Variants in RASSF5 observed in about 807,000 individuals in gnomAD.
RASSF5 encodes ras association domain-containing protein 5.
A neutral mutation model predicts 40.5 loss-of-function variants in RASSF5; 25 were observed. The observed-to-expected ratio is 0.62, with a 90% CI of 0.45 to 0.86. The LOEUF is 0.86. Among genes scored for constraint, RASSF5 ranks in the 40% least tolerant of loss-of-function variants. The pLI is 0.00. For missense variants in RASSF5, 521 were observed against 572.8 expected (o/e 0.91, Z 0.92); for synonymous variants, 246 against 252.4 (o/e 0.97, Z 0.24).
chr1:206,575,602 A>G (rs1668611665), intron 2 of RASSF5, among the ~76,000 whole-genome samples: 1 of 152,144 alleles, frequency 6.6e-6, no homozygotes, highest in African/African-American at 2.4e-5. Context: ...CTAGCCTCCA[A>G]GAGGCCCCCA....
At chr1:206,508,178 C>G (rs372638894) in intron 1 of RASSF5, 119 bp downstream of exon 1, 18 of 767,388 alleles carry the variant, frequency 2.3e-5, no homozygotes, top group East Asian at 6.8e-5. Context: ...AGGGGAGCCC[C>G]GAACATAAGG....
chr1:206,566,505 T>TC (rs34958764), intron 2 of RASSF5, among the ~76,000 whole-genome samples: 2 of 152,048 alleles, frequency 1.3e-5, no homozygotes, highest in Non-Finnish European at 2.9e-5. Context: ...GGTGAACTGT[T>TC]CCCCCCACTT....
chr1:206,516,788 C>T (rs529017656), intron 1 of RASSF5, among the ~76,000 whole-genome samples: 2 of 152,294 alleles, frequency 1.3e-5, no homozygotes, highest in Admixed American at 6.5e-5. Context: ...CCCCAGCAGC[C>T]CTGTGTTCTC....
chr1:206,520,427 C>T (rs1031850466), intron 1 of RASSF5, among the ~76,000 whole-genome samples: 2 of 151,934 alleles, frequency 1.3e-5, no homozygotes, highest in Non-Finnish European at 2.9e-5. Context: ...GCTAACATGG[C>T]GAAACCCCGT....
chr1:206,585,072 C>T, intron 4 of RASSF5, 108 bp from the exon 5 acceptor site: 1 of 762,934 alleles, frequency 1.3e-6, no homozygotes, highest in Non-Finnish European at 2.2e-6. Flanking sequence ...CCCGTGTCTA[C>T]TTCCAGTTGT....
chr1:206,508,821 C>T (rs547704869), intron 1 of RASSF5, among the ~76,000 whole-genome samples: 4 of 152,078 alleles, frequency 2.6e-5, no homozygotes, highest in Non-Finnish European at 4.4e-5. Context: ...GCCCTCAGGC[C>T]CCTCCAGTCA....
In RASSF5 at chr1:206,560,803, C is replaced by A. The variant is rs1354248807; in HGVS notation, c.580-22466C>A. On this transcript the variant is annotated intron_variant, in intron 2 of 5. Transcript: ENST00000579436. The surrounding 1 kb of genome is among the most constrained non-coding windows in gnomAD (Gnocchi z 5.1). ...GGTTTTGATGGACCCAAGGTTAGAACTTCCCTCTTTTGCCTCCCAGGCCAG... is the reference window on the plus strand; with the variant it reads ...GGTTTTGATGGACCCAAGGTTAGAAATTCCCTCTTTTGCCTCCCAGGCCAG... Among the ~76,000 whole-genome samples, 2 of 152,202 alleles carry A rather than the reference C, an allele frequency of 1.3e-5. No homozygotes were observed. Among genetic ancestry groups the A allele is most frequent in the African/African-American group, 4.8e-5 (2 of 41,454 alleles).
At chr1:206,585,340 G>A (rs1669069523) in intron 5 of RASSF5, 45 bp downstream of exon 5, 2 of 1,443,662 alleles carry the variant, frequency 1.4e-6, no homozygotes, top group Non-Finnish European at 9.8e-7. Flanking sequence ...AGGGCACCCT[G>A]GGTGGGTGCA....
chr1:206,574,237 G>A (rs1668553749), intron 2 of RASSF5, among the ~76,000 whole-genome samples: 1 of 152,240 alleles, frequency 6.6e-6, no homozygotes, highest in Non-Finnish European at 1.5e-5. Context: ...GTCTGCGGGA[G>A]TGGCCTGATC....
rs781824025 is a variant in RASSF5 at position 206,507,713 on chromosome 1, C to A, written c.111C>A (p.Pro37=). The A allele has an allele frequency of 5.4e-6, 8 of 1,487,662 alleles. 1 individual carries two copies. The South Asian group carries it at 6.3e-5, about 12-fold the overall frequency. 92.2% of individuals were successfully genotyped at this position (1,487,662 alleles called of 1,614,324 possible). The part of the protein sequence containing the change: ...SLSGPELPPP[P]PDRSSRLCVP... ...GCGGCCCCGAGCTACCGCCGCCGCC[C>A]CCCGACCGGTCCTCGCGCCTCTGTG... is the stretch of plus-strand genomic sequence containing the variant. The change falls in exon 1 of 6, where the codon CCC becomes CCA. Residue 37 remains proline, a synonymous_variant. Coordinates refer to ENST00000579436, the MANE Select transcript of RASSF5 (RefSeq NM_182663.4).
At chr1:206,510,038 G>C (rs1553394420) in intron 1 of RASSF5, among the ~76,000 whole-genome samples, 1 of 152,172 alleles carries the variant, frequency 6.6e-6, no homozygotes, top group African/African-American at 2.4e-5. Context: ...CTACAGAAAG[G>C]AGTCTCTGTT....
chr1:206,545,953 ATTTTTTTTT>A (rs369989700), intron 2 of RASSF5, among the ~76,000 whole-genome samples: 1 of 125,124 alleles, frequency 8.0e-6, no homozygotes. Flanking sequence ...ATATAGCTAG[ATTTTTTTTT>A]TTTTTTTTGA....
intron 2 of RASSF5, among the ~76,000 whole-genome samples, chr1:206,548,617 G>T (rs1358687763): frequency 6.6e-6 from 1 of 152,122 alleles, no homozygotes; most frequent in African/African-American, 2.4e-5. Flanking sequence ...TTGAGCAATT[G>T]GTTACAATGT....
intron 2 of RASSF5, among the ~76,000 whole-genome samples, chr1:206,549,927 C>T (rs188520087): frequency 2.0e-5 from 3 of 152,264 alleles, no homozygotes; most frequent in Admixed American, 1.3e-4. Context: ...ATGCACACAC[C>T]GATCAGTAAG....
intron 1 of RASSF5, among the ~76,000 whole-genome samples, chr1:206,533,046 G>T (rs1667282399): frequency 6.6e-6 from 1 of 152,192 alleles, no homozygotes; most frequent in Admixed American, 6.5e-5. Context: ...TTAAGGGGAG[G>T]TTTGTAGCTT....
intron 2 of RASSF5, among the ~76,000 whole-genome samples, chr1:206,565,542 G>C (rs572679177): frequency 1.3e-5 from 2 of 152,298 alleles, no homozygotes; most frequent in South Asian, 4.1e-4. Context: ...GATGAGATGG[G>C]GTTTCTGTAC....
chr1:206,511,653 C>T (rs1666615307), intron 1 of RASSF5, among the ~76,000 whole-genome samples: 1 of 152,164 alleles, frequency 6.6e-6, no homozygotes, highest in Admixed American at 6.5e-5. Context: ...CAACTAACCT[C>T]CCCACTCTGT....
rs1400732096 is a variant in RASSF5 at position 206,560,231 on chromosome 1, G to T, written c.579+21938G>T. Among the ~76,000 whole-genome samples the T allele has an allele frequency of 6.6e-6, 1 of 152,228 alleles. No homozygotes were observed. Among genetic ancestry groups the T allele is most frequent in the African/African-American group, 2.4e-5 (1 of 41,460 alleles). ...ATAGCCTTGTCAGAACAACCTGTGT[G>T]GCTGCTCAGTTTGTGCCTGGCTAGA... On this transcript the variant is annotated intron_variant, in intron 2 of 5. Transcript: ENST00000579436. The surrounding 1 kb of genome is among the most constrained non-coding windows in gnomAD (Gnocchi z 5.1).
At chr1:206,518,295 C>A (rs1028901350) in intron 1 of RASSF5, 4 of 396,198 alleles carry the variant, frequency 1.0e-5, no homozygotes, top group African/African-American at 6.2e-5. Flanking sequence ...CCAGGTCATG[C>A]GAGGCCCAGG....
Sources: gnomAD v4.1 joint callset for allele counts (sites outside exome capture counted in the v4.1 genomes callset) on GRCh38, gnomAD v4.1.1 for gene constraint, Gnocchi (gnomAD v3.1) non-coding constraint, MANE v1.5 for transcripts, NCBI Gene and HGNC (gene_info 2026-07-23, HGNC 2026-07-21) for gene names.